CAST: variants seen among roughly 807,000 people sequenced by gnomAD.
CAST encodes MIR583 host.
Under a neutral mutation model 119.6 loss-of-function variants are expected in CAST, and 76 were observed. The observed-to-expected ratio is 0.64, with a 90% CI of 0.53 to 0.77. The LOEUF is 0.77. Ranked by LOEUF, CAST falls within the 30% of genes least tolerant of loss-of-function variation. The pLI is 0.00. For missense variants in CAST, 953 were observed against 946.5 expected (o/e 1.01, Z -0.09); for synonymous variants, 319 against 331.6 (o/e 0.96, Z 0.41).
At chr5:96,427,090 A>C in the CAST span, among the ~76,000 whole-genome samples, 1 of 152,246 alleles carries the variant, frequency 6.6e-6, no homozygotes, top group African/African-American at 2.4e-5. Flanking sequence ...GTAGAGGGTC[A>C]CTTACACTTG....
At chr5:96,099,305 T>A in the CAST span, among the ~76,000 whole-genome samples, 1 of 152,176 alleles carries the variant, frequency 6.6e-6, no homozygotes, top group African/African-American at 2.4e-5. Flanking sequence ...CCTGTTTGGA[T>A]GCCCTTTAAT....
At chr5:96,322,205 A>T in the CAST span, among the ~76,000 whole-genome samples, 388 of 152,314 alleles carry the variant, frequency 2.5e-3, 2 homozygotes, top group African/African-American at 8.9e-3. Flanking sequence ...ACAAGAATAC[A>T]AGTAGAACCT....
At chr5:96,259,532 T>C in the CAST span, among the ~76,000 whole-genome samples, 1 of 152,200 alleles carries the variant, frequency 6.6e-6, no homozygotes, top group Non-Finnish European at 1.5e-5. Flanking sequence ...GTCTTCTAAA[T>C]AATGAAGCCA....
At chr5:96,730,658 A>G in intron 8 of CAST, 122 bp from the exon 9 acceptor site, 1 of 720,300 alleles carries the variant, frequency 1.4e-6, no homozygotes, top group Admixed American at 2.1e-5. Flanking sequence ...GTGAGCAAAC[A>G]TTCCCTTATG....
chr5:96,594,741 TATG>T (rs2150192538), intron 1 of CAST, among the ~76,000 whole-genome samples: 1 of 152,344 alleles, frequency 6.6e-6, no homozygotes, highest in Non-Finnish European at 1.5e-5. Flanking sequence ...TATCACCGGC[TATG>T]ATATTATAGT....
upstream of CAST, among the ~76,000 whole-genome samples, chr5:96,522,969 A>G (rs1319326742): frequency 6.6e-6 from 1 of 152,180 alleles, no homozygotes; most frequent in Non-Finnish European, 1.5e-5. Context: ...TCAAAGTAAT[A>G]AGTTATTTCA....
At chr5:96,248,881 A>T in the CAST span, among the ~76,000 whole-genome samples, 1 of 152,194 alleles carries the variant, frequency 6.6e-6, no homozygotes, top group Admixed American at 6.5e-5. Context: ...ATGAAAAATT[A>T]TTGCCTGTTA....
chr5:96,157,710 T>G, the CAST span, among the ~76,000 whole-genome samples: 1 of 152,224 alleles, frequency 6.6e-6, no homozygotes. Flanking sequence ...GCCTTCTCAC[T>G]TTCCTTGATT....
At chr5:96,521,172 G>A (rs191346576), upstream of CAST, among the ~76,000 whole-genome samples, 16 of 152,290 alleles carry the variant, frequency 1.1e-4, no homozygotes, top group Admixed American at 5.2e-4. Flanking sequence ...CTAGAACAGT[G>A]CTCAACACCA....
the CAST span, among the ~76,000 whole-genome samples, chr5:96,022,262 C>T: frequency 1.4e-3 from 219 of 152,224 alleles, 2 homozygotes; most frequent in African/African-American, 4.9e-3. Context: ...AAACAAAATA[C>T]ATAGATGCCC....
the CAST span, among the ~76,000 whole-genome samples, chr5:96,136,837 C>T: frequency 2.6e-5 from 4 of 152,152 alleles, no homozygotes; most frequent in African/African-American, 4.8e-5. Context: ...TTAACCCATA[C>T]TCGCAGGGGA....
chr5:96,057,332 C>G, the CAST span, among the ~76,000 whole-genome samples: 1 of 152,160 alleles, frequency 6.6e-6, no homozygotes, highest in Non-Finnish European at 1.5e-5. Context: ...TTGTTGACAG[C>G]TCTATTTGTT....
At chr5:96,483,207 G>A in the CAST span, among the ~76,000 whole-genome samples, 1 of 152,104 alleles carries the variant, frequency 6.6e-6, no homozygotes, top group Non-Finnish European at 1.5e-5. Context: ...TCAGGTGTGG[G>A]CAAAGGCTAT....
chr5:96,447,561 G>A, the CAST span, among the ~76,000 whole-genome samples: 13 of 152,154 alleles, frequency 8.5e-5, no homozygotes, highest in African/African-American at 3.1e-4. Context: ...GCAGAAAATA[G>A]ACAAGGGCAG....
At chr5:96,758,339 C>G (rs536514298) in intron 24 of CAST, among the ~76,000 whole-genome samples, 1 of 152,124 alleles carries the variant, frequency 6.6e-6, no homozygotes, top group African/African-American at 2.4e-5. Context: ...CTCTGTTACT[C>G]GAAAAGTTTG....
At chr5:96,738,955 C>T (rs1294361819) in intron 11 of CAST, among the ~76,000 whole-genome samples, 1 of 145,538 alleles carries the variant, frequency 6.9e-6, no homozygotes, top group Non-Finnish European at 1.5e-5. Context: ...AAAAAAAAGA[C>T]ACGCCATAGG....
intron 2 of CAST, among the ~76,000 whole-genome samples, chr5:96,686,357 G>C (rs1431608298): frequency 6.6e-6 from 1 of 152,122 alleles, no homozygotes; most frequent in Non-Finnish European, 1.5e-5. Flanking sequence ...AGAGAAGAGA[G>C]AGAAACTAAA....
At chr5:96,002,233 A>G in the CAST span, among the ~76,000 whole-genome samples, 16 of 152,256 alleles carry the variant, frequency 1.1e-4, no homozygotes, top group African/African-American at 3.4e-4. Context: ...AAGTGACAGA[A>G]ATCCAGCTTG....
intron 31 of CAST, 66 bp from the exon 32 acceptor site, chr5:96,772,574 C>T (rs956106403): frequency 3.3e-5 from 5 of 152,694 alleles, no homozygotes; most frequent in Non-Finnish European, 5.9e-5. Flanking sequence ...GGTATATTTA[C>T]TATGTCTGTA....
Sources: allele counts gnomAD v4.1 joint callset (sites outside exome capture counted in the v4.1 genomes callset), GRCh38; gene constraint gnomAD v4.1.1; transcripts MANE v1.5; gene names NCBI Gene and HGNC (gene_info 2026-07-23, HGNC 2026-07-21).